The following TRHDE variants were observed in gnomAD, a reference collection of about 807,000 sequenced individuals.
TRHDE encodes the protein thyrotropin releasing hormone degrading enzyme.
A neutral mutation model predicts 125.7 loss-of-function variants in TRHDE; 72 were observed. The observed-to-expected ratio is 0.57, with a 90% confidence interval of 0.47 to 0.70. The LOEUF (loss-of-function observed/expected upper bound fraction) is 0.70, where lower values mean the gene tolerates loss of function less well. Among genes scored for constraint, TRHDE ranks in the 30% least tolerant of loss-of-function variants. TRHDE has a pLI of 0.00. For synonymous variants in TRHDE, 509 were observed against 509.1 expected, an observed-to-expected ratio of 1.00 and a Z score of 0.00; for missense variants, 1,110 against 1,327.1, an observed-to-expected ratio of 0.84 and a Z score of 2.54.
chr12:72,511,666 T>G (rs1002928279), intron 6 of TRHDE, among the ~76,000 whole-genome samples: 4 of 152,192 alleles, frequency 2.6e-5, no homozygotes, highest in Admixed American at 2.6e-4. Context: ...ATTATTAACT[T>G]GTGCATTTTG....
intron 18 of TRHDE, among the ~76,000 whole-genome samples, chr12:72,657,699 G>C: frequency 6.6e-6 from 1 of 152,058 alleles, no homozygotes; most frequent in East Asian, 1.9e-4. Context: ...AAGCCAGCTA[G>C]TTTTGTTTGT....
intron 10 of TRHDE, among the ~76,000 whole-genome samples, chr12:72,569,623 G>A (rs1463756): frequency 0.27 from 40,495 of 152,030 alleles, 8,128 homozygotes; most frequent in African/African-American, 0.54. Flanking sequence ...AATCTAATCT[G>A]GTTGTCAGCA....
Position 72,665,874 on chromosome 12 carries a change from T to A in TRHDE, c.*2679T>A, listed in dbSNP as rs754499807. The A allele has an allele frequency of 6.6e-6, 1 of 152,042 alleles. No individual in the cohort carries two copies. The highest frequency in any genetic ancestry group is 1.5e-5 in the Non-Finnish European group (1 of 67,980). 9.4% of individuals were successfully genotyped at this position (152,042 alleles called of 1,614,324 possible). On this transcript the variant is annotated 3_prime_UTR_variant, in exon 19 of 19. Transcript: ENST00000261180. ...CATTTTTACACATTTTTTCTTAAAA[T>A]TTTTCTATAATCTTTGAAGTTTCTA...
chr12:72,258,666 G>T (rs940054678), intron 2 of TRHDE, among the ~76,000 whole-genome samples: 2 of 152,098 alleles, frequency 1.3e-5, no homozygotes, highest in Non-Finnish European at 2.9e-5. Context: ...TTGTTCTCAT[G>T]TCTTTATAGT....
At chr12:72,522,890 T>A (rs570707909) in intron 6 of TRHDE, among the ~76,000 whole-genome samples, 1 of 152,242 alleles carries the variant, frequency 6.6e-6, no homozygotes, top group Admixed American at 6.5e-5. Flanking sequence ...CCTGATGCAT[T>A]TGTCAGCTCA....
intron 2 of TRHDE, among the ~76,000 whole-genome samples, chr12:72,234,595 A>C (rs1032755393): frequency 1.3e-5 from 2 of 152,212 alleles, no homozygotes; most frequent in African/African-American, 4.8e-5. Context: ...ACACAGACAT[A>C]ATAACGAGAA....
chr12:72,645,452 G>A (rs1874242435), intron 15 of TRHDE, among the ~76,000 whole-genome samples: 10 of 152,006 alleles, frequency 6.6e-5, no homozygotes, highest in Admixed American at 6.6e-4. Context: ...GAAAAGAAGT[G>A]AACAAAGCTT....
intron 2 of TRHDE, among the ~76,000 whole-genome samples, chr12:72,237,557 T>C (rs1309464982): frequency 6.6e-6 from 1 of 152,160 alleles, no homozygotes; most frequent in Non-Finnish European, 1.5e-5. Context: ...GGACTCGGTT[T>C]CCCCCATGCT....
At position 72,345,613 on chromosome 12, in the gene TRHDE, T is replaced by C. The variant is rs546968995; in HGVS notation, c.1189-32382T>C. On this transcript the variant is annotated intron_variant, in intron 2 of 18. Transcript: ENST00000261180. ...TTCTGAAAATATAACAATGGACTTT[T>C]GTGAACCAGTAGGAGTGCCTCCAGA... Among the ~76,000 whole-genome samples the C allele has an allele frequency of 6.6e-5, 10 of 152,256 alleles. No homozygotes were observed. In the East Asian group the frequency reaches 1.7e-3, roughly 27 times the overall value.
chr12:72,520,974 C>T (rs553613696), intron 6 of TRHDE, among the ~76,000 whole-genome samples: 10 of 152,134 alleles, frequency 6.6e-5, no homozygotes, highest in Non-Finnish European at 1.5e-4. Flanking sequence ...AAACTTTAAG[C>T]TGAAAGATAG....
intron 1 of TRHDE, among the ~76,000 whole-genome samples, chr12:72,094,675 T>G (rs148050280): frequency 6.6e-6 from 1 of 152,200 alleles, no homozygotes; most frequent in Non-Finnish European, 1.5e-5. Context: ...AAAACATTAG[T>G]AGGCATGACT....
chr12:72,623,793 A>G (rs1873150709), intron 15 of TRHDE, among the ~76,000 whole-genome samples: 1 of 152,040 alleles, frequency 6.6e-6, no homozygotes, highest in African/African-American at 2.4e-5. Flanking sequence ...TTGCAGACAG[A>G]AGAAAGCCAC....
At chr12:72,593,279 G>A (rs1245740871) in intron 12 of TRHDE, among the ~76,000 whole-genome samples, 5 of 152,098 alleles carry the variant, frequency 3.3e-5, no homozygotes, top group Admixed American at 3.3e-4. Context: ...CTATTTTATA[G>A]ATAAAGTGTC....
At chr12:72,555,654 C>G (rs1302195898) in intron 7 of TRHDE, among the ~76,000 whole-genome samples, 1 of 152,066 alleles carries the variant, frequency 6.6e-6, no homozygotes, top group South Asian at 2.1e-4. Context: ...GTCTAGCTTT[C>G]TTTGTTTAAG....
At chr12:72,144,866 A>C (rs1281940139) in intron 2 of TRHDE, among the ~76,000 whole-genome samples, 1 of 152,136 alleles carries the variant, frequency 6.6e-6, no homozygotes, top group Non-Finnish European at 1.5e-5. Context: ...TGTAACATCT[A>C]TCTTATGGGA....
chr12:72,654,482 ACT>A (rs1417442138), intron 17 of TRHDE, among the ~76,000 whole-genome samples: 1 of 151,700 alleles, frequency 6.6e-6, no homozygotes, highest in African/African-American at 2.4e-5. Flanking sequence ...GATGCCTTCT[ACT>A]CTCATGGTTT....
intron 2 of TRHDE, among the ~76,000 whole-genome samples, chr12:72,259,234 G>T (rs1362449203): frequency 6.6e-6 from 1 of 151,800 alleles, no homozygotes; most frequent in Non-Finnish European, 1.5e-5. Flanking sequence ...GTGGATTCAT[G>T]GGTTCCTCTT....
intron 1 of TRHDE, among the ~76,000 whole-genome samples, chr12:72,089,855 C>T (rs190689405): frequency 6.6e-6 from 1 of 152,276 alleles, no homozygotes; most frequent in East Asian, 1.9e-4. Flanking sequence ...TTCTGATAGA[C>T]ACTAAGAACC....
At chr12:72,377,440 C>A (rs1871940005) in intron 2 of TRHDE, among the ~76,000 whole-genome samples, 1 of 151,826 alleles carries the variant, frequency 6.6e-6, no homozygotes, top group East Asian at 1.9e-4. Flanking sequence ...GACAGCCTTC[C>A]AGAATGGTGA....
Sources: allele counts gnomAD v4.1 joint callset (sites outside exome capture counted in the v4.1 genomes callset), GRCh38; gene constraint gnomAD v4.1.1; transcripts MANE v1.5; gene names NCBI Gene and HGNC (gene_info 2026-07-23, HGNC 2026-07-21).